The following FAM151B variants were observed in gnomAD, a reference collection of about 807,000 sequenced individuals.
FAM151B encodes the protein family with sequence similarity 151 member B, also known as protein FAM151B.
FAM151B carries 24 observed loss-of-function variants against 31.2 expected under a neutral mutation model. The ratio of observed to expected loss-of-function variants is 0.77; its 90% confidence interval spans 0.56 to 1.08. The LOEUF is 1.08. Ranked by LOEUF, FAM151B falls within the 50% of genes least tolerant of loss-of-function variation. The probability of loss-of-function intolerance (pLI) is 0.00; values close to 1 mark genes in which losing one functional copy is unlikely to be tolerated. For missense variants in FAM151B, 293 were observed against 328.6 expected (o/e 0.89, Z 0.84); for synonymous variants, 105 against 111.4 (o/e 0.94, Z 0.36).
chr5:80,495,698 C>T (rs376572011), intron 1 of FAM151B, among the ~76,000 whole-genome samples: 6 of 152,010 alleles, frequency 3.9e-5, no homozygotes, highest in Admixed American at 2.6e-4. Flanking sequence ...GGCGTGGTGG[C>T]GGACGCCTGT....
chr5:80,503,972 A>G (rs1279141986), intron 2 of FAM151B, among the ~76,000 whole-genome samples: 1 of 152,152 alleles, frequency 6.6e-6, no homozygotes, highest in Non-Finnish European at 1.5e-5. Context: ...ATGGAAGACT[A>G]GGGAGAGGGG....
chr5:80,518,075 GAAAAAA>G (rs796173147), intron 3 of FAM151B, among the ~76,000 whole-genome samples: 6 of 72,772 alleles, frequency 8.2e-5, no homozygotes, highest in Non-Finnish European at 5.6e-5. Context: ...CCATCTCAAA[GAAAAAA>G]AAAAAAAAAA....
At chr5:80,501,746 C>A in intron 1 of FAM151B, 46 bp from the exon 2 acceptor site, 3 of 1,452,942 alleles carry the variant, frequency 2.1e-6, no homozygotes, top group Admixed American at 2.0e-5. Flanking sequence ...AAAATTTTAC[C>A]CTATAAAAAA....
chr5:80,514,486 A>G (rs1744332134), intron 3 of FAM151B, among the ~76,000 whole-genome samples: 1 of 141,710 alleles, frequency 7.1e-6, no homozygotes, highest in Non-Finnish European at 1.5e-5. Flanking sequence ...AAATAATAAT[A>G]ATAATAATAA....
rs1179946200 is a variant in FAM151B at position 80,519,735 on chromosome 5, G to A, written c.360G>A (p.Val120=). Residue 120 remains valine, a synonymous_variant, in exon 4 of 6, where the codon GTG becomes GTA. Coordinates refer to ENST00000282226, the MANE Select transcript of FAM151B (RefSeq NM_205548.3). ...CATCCATGATGCTCTTGGAAAATGT[G>A]AAGAGGCATCTGAAGCGTCCTGTAT... ...VEPSMMLLEN[V]KRHLKRPVWI... is the part of the protein sequence containing the mutation. 6.2e-7 allele frequency: 1 copy of A among 1,614,150 alleles called. No individual in the cohort carries two copies. Among genetic ancestry groups the A allele is most frequent in the African/African-American group, 1.3e-5 (1 of 75,044 alleles).
At chr5:80,489,492 A>C (rs900666693) in intron 1 of FAM151B, among the ~76,000 whole-genome samples, 1 of 152,150 alleles carries the variant, frequency 6.6e-6, no homozygotes, top group African/African-American at 2.4e-5. Flanking sequence ...GCTCACACTC[A>C]AGACTTACAC....
At chr5:80,536,216 G>A (rs76364321) in intron 5 of FAM151B, among the ~76,000 whole-genome samples, 15,684 of 152,094 alleles carry the variant, frequency 0.1, 1,281 homozygotes, top group African/African-American at 0.23. Flanking sequence ...GGTTGCCCAG[G>A]CTGGAGTGCA....
intron 5 of FAM151B, among the ~76,000 whole-genome samples, chr5:80,537,926 T>TA (rs1745596602): frequency 6.6e-6 from 1 of 152,134 alleles, no homozygotes; most frequent in African/African-American, 2.4e-5. Context: ...AATAAAGACT[T>TA]ACACTGTGAA....
intron 2 of FAM151B, among the ~76,000 whole-genome samples, chr5:80,512,626 A>T (rs774785453): frequency 0.036 from 2 of 56 alleles, no homozygotes; most frequent in African/African-American, 0.11. Flanking sequence ...GATATTTTTT[A>T]AAAAAATCAG....
intron 1 of FAM151B, among the ~76,000 whole-genome samples, chr5:80,493,806 CAT>C (rs966327532): frequency 3.9e-5 from 6 of 152,208 alleles, no homozygotes; most frequent in African/African-American, 1.4e-4. Context: ...CACAGCGGGA[CAT>C]AGACCCTCAT....
At chr5:80,538,962 T>G (rs1745738668) in intron 5 of FAM151B, among the ~76,000 whole-genome samples, 1 of 149,484 alleles carries the variant, frequency 6.7e-6, no homozygotes, top group Admixed American at 6.8e-5. Context: ...GTTCTGTTCT[T>G]TTCTTTGCTT....
At chr5:80,495,830 C>CAAAAA (rs3072031) in intron 1 of FAM151B, among the ~76,000 whole-genome samples, 3 of 88,154 alleles carry the variant, frequency 3.4e-5, no homozygotes, top group South Asian at 5.3e-4. Flanking sequence ...GACTCCGTCT[C>CAAAAA]AAAAAAAAAA....
At chr5:80,539,528 G>C (rs1745772485) in intron 5 of FAM151B, among the ~76,000 whole-genome samples, 1 of 151,900 alleles carries the variant, frequency 6.6e-6, no homozygotes, top group Non-Finnish European at 1.5e-5. Context: ...GTCTTACTCT[G>C]TAGCCCAAGC....
chr5:80,501,355 G>A, intron 1 of FAM151B: 1 of 1,278,358 alleles, frequency 7.8e-7, no homozygotes, highest in Non-Finnish European at 1.1e-6. Flanking sequence ...TGGAGATGCT[G>A]GCAACAGGGA....
At chr5:80,539,837 A>C (rs1485513872) in intron 5 of FAM151B, among the ~76,000 whole-genome samples, 1 of 149,070 alleles carries the variant, frequency 6.7e-6, no homozygotes, top group Non-Finnish European at 1.5e-5. Flanking sequence ...ATTTACGATT[A>C]TTTTTCAAAA....
intron 1 of FAM151B, chr5:80,501,220 A>G: frequency 5.9e-6 from 2 of 340,820 alleles, no homozygotes; most frequent in Non-Finnish European, 1.1e-5. Context: ...GGGTTCCACC[A>G]TGTTGGCCAG....
chr5:80,529,899 C>T (rs1745149536), intron 5 of FAM151B, among the ~76,000 whole-genome samples: 1 of 125,470 alleles, frequency 8.0e-6, no homozygotes, highest in African/African-American at 3.6e-5. Flanking sequence ...AGGCCGGCAT[C>T]ATCCTGATAC....
chr5:80,504,740 C>A (rs757677984), intron 2 of FAM151B, among the ~76,000 whole-genome samples: 14 of 151,934 alleles, frequency 9.2e-5, no homozygotes, highest in East Asian at 3.9e-4. Context: ...GGATGGTCTC[C>A]ATCTCCTGAT....
In FAM151B at chr5:80,494,465, TTTCTTTCTTTCTTTCTTTC is replaced by T. The variant is rs1470755598; in HGVS notation, c.25+6320_25+6338del. On this transcript the variant is annotated intron_variant, in intron 1 of 5. Coordinates refer to ENST00000282226, the MANE Select transcript of FAM151B (RefSeq NM_205548.3). ...TCTTTTTCTTTCTTTCTTTTCTTTC[TTTCTTTCTTTCTTTCTTTC>T]TTTCTTTCTTTCTTTCTTTCTTTCT... Among the ~76,000 whole-genome samples the T allele has an allele frequency of 3.8e-3, 288 of 76,744 alleles. 5 individuals carry two copies. Among genetic ancestry groups the T allele is most frequent in the Middle Eastern group, 0.016 (3 of 190 alleles). The allele number at this position is 76,744 out of a possible 152,430, so 50.3% of individuals were successfully genotyped here.
Sources: allele counts gnomAD v4.1 joint callset (sites outside exome capture counted in the v4.1 genomes callset), GRCh38; gene constraint gnomAD v4.1.1; transcripts MANE v1.5; gene names NCBI Gene and HGNC (gene_info 2026-07-23, HGNC 2026-07-21).